The following PCDHA6 variants were observed in gnomAD, a reference collection of about 807,000 sequenced individuals.
PCDHA6 encodes the protein protocadherin alpha 6.
A neutral mutation model predicts 60.3 loss-of-function variants in PCDHA6; 55 were observed. The observed-to-expected ratio is 0.91, with a 90% confidence interval of 0.73 to 1.14. PCDHA6 has a LOEUF of 1.14. Ranked by LOEUF, PCDHA6 falls within the 50% of genes most tolerant of loss-of-function variation. The probability of loss-of-function intolerance (pLI) is 0.00; values close to 1 mark genes in which losing one functional copy is unlikely to be tolerated. For synonymous variants in PCDHA6, 652 were observed against 557.9 expected (o/e 1.17, Z -2.38); for missense variants, 1,327 against 1,256.5 (o/e 1.06, Z -0.85).
chr5:140,945,709 G>C (rs1033770128), intron 1 of PCDHA6, among the ~76,000 whole-genome samples: 4 of 151,930 alleles, frequency 2.6e-5, no homozygotes, highest in Admixed American at 1.3e-4. Flanking sequence ...TGCAACAAAA[G>C]TATCAAGAAT....
At chr5:140,866,639 A>G (rs782198143) in intron 1 of PCDHA6, 1 of 152,148 alleles carries the variant, frequency 6.6e-6, no homozygotes, top group Non-Finnish European at 1.5e-5. Flanking sequence ...CAACGGTGTC[A>G]AAATTTATTT....
Position 140,871,114 on chromosome 5 carries a change from A to G in PCDHA6, c.2394+40629A>G, listed in dbSNP as rs1554165136. The G allele has an allele frequency of 1.9e-6, 3 of 1,613,090 alleles. No individual in the cohort carries two copies. The African/African-American group carries it at 4.0e-5, about 22-fold the overall frequency. On this transcript the variant is annotated intron_variant, in intron 1 of 3. Transcript: ENST00000529310. ...CACCGTGCTGGTGTCGTTGGTGGAGAGCGGACAGGCGCCAAAGGCCTCTTC... is the reference window on the plus strand; with the variant it reads ...CACCGTGCTGGTGTCGTTGGTGGAGGGCGGACAGGCGCCAAAGGCCTCTTC...
chr5:140,861,346 C>T (rs2046871504), intron 1 of PCDHA6: 2 of 294,962 alleles, frequency 6.8e-6, no homozygotes, highest in South Asian at 3.7e-5. Context: ...AGGCCAAGGA[C>T]GGCACATAGC....
chr5:140,911,605 T>C (rs2075559169), intron 1 of PCDHA6, among the ~76,000 whole-genome samples: 1 of 152,224 alleles, frequency 6.6e-6, no homozygotes, highest in Non-Finnish European at 1.5e-5. Context: ...AACTTCATTA[T>C]GTTCCTTAGT....
At position 140,867,369 on chromosome 5, in the gene PCDHA6, G is replaced by A. The variant is rs554108396; in HGVS notation, c.2394+36884G>A. On this transcript the variant is annotated intron_variant, in intron 1 of 3. Coordinates refer to ENST00000529310, the MANE Select transcript of PCDHA6 (RefSeq NM_018909.4). ...CTATGATTGATTATTTTACAGATGC[G>A]TAATGGAATTAACGGTTATAAAAGT... is the stretch of plus-strand genomic sequence containing the variant. 21 of 152,194 alleles carry A rather than the reference G, an allele frequency of 1.4e-4. 1 individual carries two copies. Among genetic ancestry groups the A allele is most frequent in the South Asian group, 1.0e-3 (5 of 4,822 alleles). The allele number at this position is 152,194 out of a possible 1,614,324, so 9.4% of individuals were successfully genotyped here.
chr5:140,983,308 T>C (rs2153831139), intron 3 of PCDHA6, among the ~76,000 whole-genome samples: 1 of 152,322 alleles, frequency 6.6e-6, no homozygotes, highest in East Asian at 1.9e-4. Context: ...CACATTTGCT[T>C]GGTATCCTTA....
chr5:140,850,627 T>C lies in PCDHA6; in HGVS notation c.2394+20142T>C, dbSNP rs2150491342. 1.9e-6 allele frequency: 3 copies of C among 1,598,642 alleles called. No individual in the cohort carries two copies. The South Asian group carries it at 3.3e-5, about 18-fold the overall frequency. ...GCCATCTGCGCGGTGTCTAGCCTGT[T>C]GGTTCTCACGCTGCTGCTGTACACT... On this transcript the variant is annotated intron_variant, in intron 1 of 3. Transcript: ENST00000529310.
intron 1 of PCDHA6, among the ~76,000 whole-genome samples, chr5:140,973,039 C>T (rs782146596): frequency 1.3e-5 from 2 of 152,040 alleles, no homozygotes; most frequent in Non-Finnish European, 2.9e-5. Flanking sequence ...ACTTTGAGTA[C>T]TCTAGTAGAT....
At chr5:140,863,765 G>A (rs1385785601) in intron 1 of PCDHA6, 4 of 242,444 alleles carry the variant, frequency 1.6e-5, no homozygotes, top group African/African-American at 4.5e-5. Flanking sequence ...TTGGGAAGCC[G>A]AGGCGGGCGG....
chr5:140,871,278 G>T (rs782014542), intron 1 of PCDHA6: 3 of 1,613,918 alleles, frequency 1.9e-6, no homozygotes, highest in East Asian at 4.5e-5. Flanking sequence ...GGTCGGCAAC[G>T]CCCACTGAGG....
At chr5:140,977,140 G>A (rs2096748068) in intron 1 of PCDHA6, among the ~76,000 whole-genome samples, 1 of 152,202 alleles carries the variant, frequency 6.6e-6, no homozygotes, top group Non-Finnish European at 1.5e-5. Context: ...GGTCAGTCCT[G>A]CTGGAACTGT....
chr5:140,831,524 T>G lies in PCDHA6; in HGVS notation c.2394+1039T>G, dbSNP rs1771606843. ...GAGCACCACCATGCCCCCCACCTTT[T>G]TTTTTTTTTTTTTTTTTTTTAAGAG... On this transcript the variant is annotated intron_variant, in intron 1 of 3. Coordinates refer to ENST00000529310, the MANE Select transcript of PCDHA6 (RefSeq NM_018909.4). Among the ~76,000 whole-genome samples, 5 of 26,740 alleles carry G rather than the reference T, an allele frequency of 1.9e-4. No individual in the cohort carries two copies. The South Asian group carries it at 4.8e-3, about 26-fold the overall frequency. 17.5% of individuals were successfully genotyped at this position (26,740 alleles called of 152,430 possible).
chr5:140,862,988 C>A (rs1554157382), intron 1 of PCDHA6: 6 of 546,930 alleles, frequency 1.1e-5, no homozygotes, highest in Non-Finnish European at 2.2e-5. Context: ...GGCGAAGGTG[C>A]GCACGGTGGA....
chr5:141,001,492 T>A (rs1190860523), intron 3 of PCDHA6, among the ~76,000 whole-genome samples: 1 of 152,236 alleles, frequency 6.6e-6, no homozygotes, highest in African/African-American at 2.4e-5. Context: ...CTGGAAATGC[T>A]AGCCCAGGTG....
At chr5:140,928,630 G>A in intron 1 of PCDHA6, 1 of 1,614,210 alleles carries the variant, frequency 6.2e-7, no homozygotes, top group East Asian at 2.2e-5. Context: ...TGGACACTTG[G>A]TCACAAAAGT....
chr5:140,850,739 G>A, intron 1 of PCDHA6: 2 of 1,598,040 alleles, frequency 1.3e-6, no homozygotes, highest in Non-Finnish European at 1.7e-6. Context: ...TGGGGAGTTG[G>A]TCGTACTCGC....
At chr5:140,875,723 T>G in intron 1 of PCDHA6, 1 of 1,614,194 alleles carries the variant, frequency 6.2e-7, no homozygotes, top group South Asian at 1.1e-5. Context: ...AATGGCATTT[T>G]GTTTGTGAAT....
At chr5:140,837,593 A>G (rs1168941201) in intron 1 of PCDHA6, among the ~76,000 whole-genome samples, 3 of 151,646 alleles carry the variant, frequency 2.0e-5, no homozygotes, top group Admixed American at 1.3e-4. Flanking sequence ...TAAATCGCCA[A>G]TATATATATT....
intron 1 of PCDHA6, 153 bp downstream of exon 1, chr5:140,830,638 T>C (rs1389009396): frequency 2.4e-5 from 12 of 501,874 alleles, no homozygotes; most frequent in African/African-American, 1.2e-4. Context: ...TTAATCTCTT[T>C]GCTTCTTTAA....
Sources: allele counts gnomAD v4.1 joint callset (sites outside exome capture counted in the v4.1 genomes callset), GRCh38; gene constraint gnomAD v4.1.1; transcripts MANE v1.5; gene names NCBI Gene and HGNC (gene_info 2026-07-23, HGNC 2026-07-21).